Variants in UBE4B observed in about 807,000 individuals in gnomAD.
UBE4B encodes ubiquitin conjugation factor E4 B.
Under a neutral mutation model 148.1 loss-of-function variants are expected in UBE4B, and 27 were observed. The observed-to-expected ratio is 0.18, with a 90% CI of 0.13 to 0.25. UBE4B has a LOEUF of 0.25. Ranked by LOEUF, UBE4B falls within the 10% of genes least tolerant of loss-of-function variation. The pLI, the probability that UBE4B is intolerant of heterozygous loss-of-function variation, is 1.00. For missense variants in UBE4B, 1,170 were observed against 1,662.4 expected (o/e 0.70, Z 5.15); for synonymous variants, 596 against 619.3 (o/e 0.96, Z 0.56).
At chr1:10,097,038 C>CAAAAAAAA (rs1175237804) in intron 3 of UBE4B, among the ~76,000 whole-genome samples, 8 of 141,070 alleles carry the variant, frequency 5.7e-5, no homozygotes, top group African/African-American at 2.1e-4. Context: ...GACTCTGCAT[C>CAAAAAAAA]AAAAAAAAAA....
intron 8 of UBE4B, 37 bp from the exon 9 acceptor site, chr1:10,119,476 G>A: frequency 1.3e-6 from 2 of 1,598,166 alleles, no homozygotes; most frequent in Non-Finnish European, 1.7e-6. Flanking sequence ...TGTATTGTTT[G>A]TTTCTTGTCG....
chr1:10,160,513 G>A (rs1646143856), intron 22 of UBE4B, among the ~76,000 whole-genome samples: 1 of 152,082 alleles, frequency 6.6e-6, no homozygotes, highest in Non-Finnish European at 1.5e-5. Flanking sequence ...TGGTGTGACT[G>A]TTTCCTCTGT....
At chr1:10,131,670 T>G (rs958850554) in intron 14 of UBE4B, among the ~76,000 whole-genome samples, 1 of 152,126 alleles carries the variant, frequency 6.6e-6, no homozygotes, top group Non-Finnish European at 1.5e-5. Context: ...GAAGTCATCC[T>G]GGCCAACATG....
chr1:10,174,546 CA>C (rs1425037351), intron 25 of UBE4B, among the ~76,000 whole-genome samples: 2 of 149,874 alleles, frequency 1.3e-5, no homozygotes, highest in African/African-American at 4.9e-5. Flanking sequence ...ACTAAAAATA[CA>C]AAAAATTAGC....
At position 10,106,084 on chromosome 1, in the gene UBE4B, T is replaced by A; in HGVS notation, c.810-113T>A. Reference sequence around the variant, plus strand: ...TATTTAGATGTTTATCTGCTAGATATACTTGAACTGAAATGATTCTCCTTT... The same window carrying A: ...TATTTAGATGTTTATCTGCTAGATAAACTTGAACTGAAATGATTCTCCTTT... On this transcript the variant is annotated intron_variant, in intron 6 of 27. Coordinates refer to ENST00000343090, the MANE Select transcript of UBE4B (RefSeq NM_001105562.3). This position sits in a 1 kb window ranked among gnomAD's most constrained non-coding sequence, Gnocchi z 4.2. 1 of 1,224,136 alleles carries A rather than the reference T, an allele frequency of 8.2e-7. No individual in the cohort carries two copies. Among genetic ancestry groups the A allele is most frequent in the East Asian group, 2.4e-5 (1 of 41,294 alleles). The allele number at this position is 1,224,136 out of a possible 1,614,324, so 75.8% of individuals were successfully genotyped here.
At position 10,132,391 on chromosome 1, in the gene UBE4B, A is replaced by T; in HGVS notation, c.1934A>T (p.His645Leu). Residue 645 changes from histidine (H) to leucine (L), a missense_variant, in exon 15 of 28, where the codon CAT becomes CTT. Physicochemically the swap from His to Leu is moderately conservative, Grantham distance 99. Around this residue, in one of 6 missense-constraint regions of UBE4B, gnomAD observed 388 missense variants for 536.0 expected, o/e 0.72. Transcript: ENST00000343090. ...CAGCAAGAGCTTTTTAAGATTCTGCATAGTATTTTGTTAAATGGCGAAACC... is the reference window on the plus strand; with the variant it reads ...CAGCAAGAGCTTTTTAAGATTCTGCTTAGTATTTTGTTAAATGGCGAAACC... ...LGRQELFKILHSILLNGETRE... is the reference protein window; with the variant it reads ...LGRQELFKILLSILLNGETRE... The T allele has an allele frequency of 6.2e-7, 1 of 1,613,986 alleles. No individual in the cohort carries two copies. The highest frequency in any genetic ancestry group is 8.5e-7 in the Non-Finnish European group (1 of 1,179,966).
At chr1:10,066,308 G>A (rs898578180) in intron 1 of UBE4B, among the ~76,000 whole-genome samples, 6 of 115,806 alleles carry the variant, frequency 5.2e-5, no homozygotes, top group South Asian at 3.2e-4. Context: ...TTGTGGGATT[G>A]GGGGGGGAGG....
intron 1 of UBE4B, among the ~76,000 whole-genome samples, chr1:10,060,659 T>G (rs1290787747): frequency 6.6e-6 from 1 of 152,282 alleles, no homozygotes; most frequent in African/African-American, 2.4e-5. Context: ...CTCCTAAGTG[T>G]GGTCATCAGA....
intron 24 of UBE4B, among the ~76,000 whole-genome samples, chr1:10,169,180 A>G (rs902989800): frequency 6.6e-5 from 10 of 152,224 alleles, no homozygotes; most frequent in Admixed American, 1.3e-4. Context: ...CACCCCCACC[A>G]CAAAGTTGAA....
chr1:10,145,057 G>T lies in UBE4B; in HGVS notation c.2463+18G>T. Reference sequence around the variant, plus strand: ...AGCTTAAGGTTTGTATAGCTAAGTGGAATAATTATAGACCAGCCTCATAGT... The same window carrying T: ...AGCTTAAGGTTTGTATAGCTAAGTGTAATAATTATAGACCAGCCTCATAGT... On this transcript the variant is annotated intron_variant, in intron 18 of 27. Transcript: ENST00000343090. The T allele has an allele frequency of 6.3e-7, 1 of 1,598,978 alleles. No individual in the cohort carries two copies. Among genetic ancestry groups the T allele is most frequent in the Non-Finnish European group, 8.6e-7 (1 of 1,167,548 alleles).
At position 10,135,136 on chromosome 1, in the gene UBE4B, C is replaced by T. The variant is rs1461540113; in HGVS notation, c.2174C>T (p.Thr725Met). The change falls in exon 16 of 28, where the codon ACG becomes ATG. Residue 725 changes from threonine (T) to methionine (M), a missense_variant. Thr to Met is a moderately conservative substitution (Grantham distance 81, BLOSUM62 -1). This residue lies in a region of UBE4B where 388 missense variants were observed against 536.0 expected (regional missense o/e 0.72). Transcript: ENST00000343090. ...CGGATTACTCTTCCCAATGATGAGACGCGTGTGAATGCAACGATGGAAGAT... is the reference window on the plus strand; with the variant it reads ...CGGATTACTCTTCCCAATGATGAGATGCGTGTGAATGCAACGATGGAAGAT... ...RCRITLPNDE[T>M]RVNATMEDVN... 6 of 1,613,930 alleles carry T rather than the reference C, an allele frequency of 3.7e-6. No homozygotes were observed. The highest frequency in any genetic ancestry group is 2.2e-5 in the East Asian group (1 of 44,872).
chr1:10,059,224 C>T (rs1644238298), intron 1 of UBE4B: 1 of 150,142 alleles, frequency 6.7e-6, no homozygotes, highest in African/African-American at 2.5e-5. Flanking sequence ...GAGCGAGACT[C>T]CGTCTTAAAA....
At chr1:10,109,029 A>G (rs1245387207) in intron 7 of UBE4B, among the ~76,000 whole-genome samples, 1 of 152,172 alleles carries the variant, frequency 6.6e-6, no homozygotes, top group African/African-American at 2.4e-5. Context: ...CTAACACCCC[A>G]GCCTTGCCTC....
At chr1:10,101,424 G>GCTTTTTTT (rs1557552300) in intron 4 of UBE4B, among the ~76,000 whole-genome samples, 1 of 144,406 alleles carries the variant, frequency 6.9e-6, no homozygotes, top group African/African-American at 2.5e-5. Flanking sequence ...TCAGGGCCAT[G>GCTTTTTTT]ATTTTATCAG....
rs751064668 is a variant in UBE4B at position 10,072,182 on chromosome 1, T to C, written c.179T>C (p.Met60Thr). The C allele has an allele frequency of 6.2e-7, 1 of 1,613,788 alleles. No homozygotes were observed. Among genetic ancestry groups the C allele is most frequent in the South Asian group, 1.1e-5 (1 of 91,018 alleles). ...SQSLGLNVHN[M>T]TPATSPIGAS... is the part of the protein sequence containing the mutation. Reference sequence around the variant, plus strand: ...AGTCTTGGTCTCAATGTCCACAACATGACCCCAGCTACCTCCCCAATAGGT... The same window carrying C: ...AGTCTTGGTCTCAATGTCCACAACACGACCCCAGCTACCTCCCCAATAGGT... The change falls in exon 2 of 28, where the codon ATG (methionine) becomes ACG (threonine). Residue 60 changes from methionine to threonine, a missense_variant. This residue lies in a region of UBE4B where 127 missense variants were observed against 153.2 expected (regional missense o/e 0.83). Coordinates refer to ENST00000343090, the MANE Select transcript of UBE4B (RefSeq NM_001105562.3).
chr1:10,161,477 A>G lies in UBE4B; in HGVS notation c.3198+191A>G, dbSNP rs770572719. On this transcript the variant is annotated intron_variant, in intron 23 of 27. Coordinates refer to ENST00000343090, the MANE Select transcript of UBE4B (RefSeq NM_001105562.3). This position sits in a 1 kb window ranked among gnomAD's most constrained non-coding sequence, Gnocchi z 4.1. ...TAAATACCTTATCTGAAGCTAAGAA[A>G]TGGGTTGAGAAGTCTTTGAAAATGT... Among the ~76,000 whole-genome samples, 8 of 152,228 alleles carry G rather than the reference A, an allele frequency of 5.3e-5. No homozygotes were observed. Among genetic ancestry groups the G allele is most frequent in the Non-Finnish European group, 8.8e-5 (6 of 68,044 alleles).
chr1:10,063,449 A>G (rs918962059), intron 1 of UBE4B, among the ~76,000 whole-genome samples: 2 of 152,196 alleles, frequency 1.3e-5, no homozygotes, highest in Non-Finnish European at 2.9e-5. Context: ...AATCTAGATT[A>G]TTCTTCTTCC....
chr1:10,146,234 C>G (rs796276438), intron 18 of UBE4B, among the ~76,000 whole-genome samples: 17 of 152,166 alleles, frequency 1.1e-4, no homozygotes, highest in African/African-American at 4.1e-4. Context: ...GGCAGATCAC[C>G]TGAGGTCAGG....
chr1:10,161,073 C>T lies in UBE4B; in HGVS notation c.3054-69C>T. The T allele has an allele frequency of 6.4e-7, 1 of 1,566,462 alleles. No homozygotes were observed. On this transcript the variant is annotated intron_variant, in intron 22 of 27. Coordinates refer to ENST00000343090, the MANE Select transcript of UBE4B (RefSeq NM_001105562.3). This position sits in a 1 kb window ranked among gnomAD's most constrained non-coding sequence, Gnocchi z 4.1. Reference sequence around the variant, plus strand: ...GCAGTCTGGGTGGAGGTGCTTGTTCCCTGGGATTTGCTGTGGCATTTTGCT... The same window carrying T: ...GCAGTCTGGGTGGAGGTGCTTGTTCTCTGGGATTTGCTGTGGCATTTTGCT...
Sources: gnomAD v4.1 joint callset for allele counts (sites outside exome capture counted in the v4.1 genomes callset) on GRCh38, gnomAD v4.1.1 for gene constraint, gnomAD v4.1.1 regional missense constraint, Gnocchi (gnomAD v3.1) non-coding constraint, MANE v1.5 for transcripts, NCBI Gene and HGNC (gene_info 2026-07-23, HGNC 2026-07-21) for gene names.